CTNNBL1: variants seen among roughly 807,000 people sequenced by gnomAD.
CTNNBL1 encodes the protein catenin beta like 1.
In CTNNBL1, 31 loss-of-function variants were observed where a neutral mutation model predicts 72.7. The observed-to-expected ratio is 0.43, with a 90% CI of 0.32 to 0.58. The LOEUF (loss-of-function observed/expected upper bound fraction) is 0.58. CTNNBL1 is among the 20% of genes least tolerant of loss of function. CTNNBL1 has a pLI of 0.08. For missense variants in CTNNBL1, 534 were observed against 725.1 expected (o/e 0.74, Z 3.03); for synonymous variants, 240 against 267.3 (o/e 0.90, Z 1.00).
intron 5 of CTNNBL1, among the ~76,000 whole-genome samples, chr20:37,761,623 G>T (rs2073418212): frequency 2.6e-5 from 4 of 152,238 alleles, no homozygotes. Flanking sequence ...CAGCTATATA[G>T]CTGTGAGCAA....
chr20:37,839,187 G>A (rs757125549), intron 11 of CTNNBL1, among the ~76,000 whole-genome samples: 1 of 152,202 alleles, frequency 6.6e-6, no homozygotes, highest in Non-Finnish European at 1.5e-5. Flanking sequence ...AATTATATCC[G>A]TGCTATAATC....
chr20:37,768,871 C>T (rs574536919), intron 7 of CTNNBL1, among the ~76,000 whole-genome samples: 48 of 152,166 alleles, frequency 3.2e-4, no homozygotes, highest in African/African-American at 1.1e-3. Context: ...CTCTGCCTCC[C>T]GGGTTAAGGT....
chr20:37,737,326 G>A lies in CTNNBL1; in HGVS notation c.220-52G>A, dbSNP rs2073179657. 8.8e-6 allele frequency: 11 copies of A among 1,254,998 alleles called. No homozygotes were observed. In the South Asian group the frequency reaches 1.4e-4, roughly 16 times the overall value. 77.7% of individuals were successfully genotyped at this position (1,254,998 alleles called of 1,614,324 possible). ...AGAGCCACAGGAAAGTAGTGACAAT[G>A]AATGTGAAACCCCTGTGGACTGAAG... On this transcript the variant is annotated intron_variant, in intron 2 of 15. Transcript: ENST00000361383.
At chr20:37,837,669 A>AT (rs1555833231) in intron 11 of CTNNBL1, among the ~76,000 whole-genome samples, 1 of 152,040 alleles carries the variant, frequency 6.6e-6, no homozygotes, top group African/African-American at 2.4e-5. Flanking sequence ...AAAGTGCAAA[A>AT]GTATTTGAAG....
At chr20:37,871,710 T>C (rs1000741405) in intron 15 of CTNNBL1, among the ~76,000 whole-genome samples, 1 of 151,818 alleles carries the variant, frequency 6.6e-6, no homozygotes, top group Admixed American at 6.6e-5. Context: ...AAGTGAAGGG[T>C]GTGGCTAGGA....
chr20:37,853,689 C>T (rs540260762), intron 13 of CTNNBL1, among the ~76,000 whole-genome samples: 5 of 152,290 alleles, frequency 3.3e-5, no homozygotes, highest in African/African-American at 9.6e-5. Flanking sequence ...AAGGTGATGC[C>T]GTCTTCTTTT....
intron 11 of CTNNBL1, among the ~76,000 whole-genome samples, chr20:37,813,412 C>A (rs4811144): frequency 0.81 from 123,604 of 152,186 alleles, 50,250 homozygotes; most frequent in Middle Eastern, 0.89. Flanking sequence ...TGCTCTGCTG[C>A]CAGAGGACTC....
chr20:37,870,820 C>T (rs2072577729), intron 15 of CTNNBL1, among the ~76,000 whole-genome samples: 1 of 152,162 alleles, frequency 6.6e-6, no homozygotes, highest in South Asian at 2.1e-4. Flanking sequence ...CAGGCTGTGG[C>T]CACGCTGACC....
At chr20:37,725,495 C>T (rs758426275) in intron 1 of CTNNBL1, among the ~76,000 whole-genome samples, 1 of 151,414 alleles carries the variant, frequency 6.6e-6, no homozygotes, top group Non-Finnish European at 1.5e-5. Flanking sequence ...GGGGTTTCAT[C>T]GGGTTAGTCA....
intron 7 of CTNNBL1, among the ~76,000 whole-genome samples, chr20:37,776,303 A>G (rs562043807): frequency 6.6e-6 from 1 of 152,348 alleles, no homozygotes; most frequent in South Asian, 2.1e-4. Context: ...GAAAACTGAA[A>G]TGATACTGAA....
intron 11 of CTNNBL1, among the ~76,000 whole-genome samples, chr20:37,814,412 G>C (rs1600504740): frequency 6.6e-6 from 1 of 152,052 alleles, no homozygotes; most frequent in Non-Finnish European, 1.5e-5. Flanking sequence ...TCTACCCACT[G>C]TATCCACTCT....
intron 10 of CTNNBL1, among the ~76,000 whole-genome samples, chr20:37,785,758 T>C (rs2073667799): frequency 6.6e-6 from 1 of 152,226 alleles, no homozygotes; most frequent in African/African-American, 2.4e-5. Context: ...ACTTAGTTCA[T>C]TTGTTGAGGT....
At chr20:37,709,050 T>C (rs2072914573) in intron 1 of CTNNBL1, among the ~76,000 whole-genome samples, 2 of 152,056 alleles carry the variant, frequency 1.3e-5, no homozygotes, top group African/African-American at 4.8e-5. Flanking sequence ...GACAGGAGAA[T>C]TGCTTGAACC....
chr20:37,781,077 G>A (rs2073621494), intron 10 of CTNNBL1, among the ~76,000 whole-genome samples: 1 of 152,158 alleles, frequency 6.6e-6, no homozygotes, highest in South Asian at 2.1e-4. Context: ...AAAATGCAGA[G>A]AGGAGCATGA....
intron 10 of CTNNBL1, among the ~76,000 whole-genome samples, chr20:37,787,579 C>T (rs993710370): frequency 4.6e-5 from 7 of 152,242 alleles, no homozygotes; most frequent in African/African-American, 1.7e-4. Flanking sequence ...CTCCTGACCT[C>T]GTGATCCGCA....
chr20:37,718,989 T>A (rs2073017645), intron 1 of CTNNBL1, among the ~76,000 whole-genome samples: 1 of 152,200 alleles, frequency 6.6e-6, no homozygotes, highest in South Asian at 2.1e-4. Flanking sequence ...CTAATTTGAG[T>A]CTCAGTTTAC....
At chr20:37,756,562 A>G (rs1447396466) in intron 4 of CTNNBL1, among the ~76,000 whole-genome samples, 1 of 149,948 alleles carries the variant, frequency 6.7e-6, no homozygotes, top group Non-Finnish European at 1.5e-5. Flanking sequence ...TTCCAAATAT[A>G]ACTCTTTCTC....
At chr20:37,738,872 C>T (rs1053130408) in intron 3 of CTNNBL1, among the ~76,000 whole-genome samples, 1 of 152,176 alleles carries the variant, frequency 6.6e-6, no homozygotes, top group Non-Finnish European at 1.5e-5. Context: ...GGCACAGAGT[C>T]TTCATGGCAA....
At chr20:37,751,698 A>G (rs1258501870) in intron 4 of CTNNBL1, 3 of 152,336 alleles carry the variant, frequency 2.0e-5, no homozygotes, top group Middle Eastern at 3.4e-3. Context: ...GCCTTGTGTT[A>G]CAGACCCAGT....
Sources: gnomAD v4.1 joint callset for allele counts (sites outside exome capture counted in the v4.1 genomes callset) on GRCh38, gnomAD v4.1.1 for gene constraint, MANE v1.5 for transcripts, NCBI Gene and HGNC (gene_info 2026-07-23, HGNC 2026-07-21) for gene names.